The following MAPKAPK2 variants were observed in gnomAD, a reference collection of about 807,000 sequenced individuals.
The protein encoded by MAPKAPK2 is MAP kinase-activated protein kinase 2.
Under a neutral mutation model 48.8 loss-of-function variants are expected in MAPKAPK2, and 9 were observed. The observed-to-expected ratio is 0.18, with a 90% confidence interval of 0.11 to 0.32. The LOEUF (loss-of-function observed/expected upper bound fraction) is 0.32, where lower values mean the gene tolerates loss of function less well. Ranked by LOEUF, MAPKAPK2 falls within the 10% of genes least tolerant of loss-of-function variation. MAPKAPK2 has a pLI of 1.00. For missense variants in MAPKAPK2, 331 were observed against 498.3 expected, an observed-to-expected ratio of 0.66 and a Z score of 3.20; for synonymous variants, 202 against 190.6, an observed-to-expected ratio of 1.06 and a Z score of -0.49.
chr1:206,724,926 A>C (rs969501680), intron 1 of MAPKAPK2, among the ~76,000 whole-genome samples: 1 of 152,236 alleles, frequency 6.6e-6, no homozygotes, highest in Non-Finnish European at 1.5e-5. Context: ...TACCCTATAT[A>C]GAGTTTCTGA....
At chr1:206,719,065 G>C (rs1202606702) in intron 1 of MAPKAPK2, among the ~76,000 whole-genome samples, 1 of 152,004 alleles carries the variant, frequency 6.6e-6, no homozygotes, top group Non-Finnish European at 1.5e-5. Flanking sequence ...CTTCCATTCA[G>C]CCATCTGTGT....
intron 1 of MAPKAPK2, among the ~76,000 whole-genome samples, chr1:206,687,989 C>T (rs1672338070): frequency 6.6e-6 from 1 of 152,176 alleles, no homozygotes; most frequent in African/African-American, 2.4e-5. Flanking sequence ...CTCCTCTCTG[C>T]CTATAGTCGG....
chr1:206,731,297 C>G lies in MAPKAPK2; in HGVS notation c.892+35C>G. On this transcript the variant is annotated intron_variant, in intron 7 of 9. Coordinates refer to ENST00000367103, the MANE Select transcript of MAPKAPK2 (RefSeq NM_032960.4). The surrounding 1 kb of genome is among the most constrained non-coding windows in gnomAD (Gnocchi z 5.9). ...CAGGCTTTCAGGACAAGGGGAAGAG[C>G]CCGTGTGTGTGTGTGTGTGTGTATG... 6.2e-7 allele frequency: 1 copy of G among 1,605,296 alleles called. No individual in the cohort carries two copies. Among genetic ancestry groups the G allele is most frequent in the Non-Finnish European group, 8.5e-7 (1 of 1,177,378 alleles).
intron 1 of MAPKAPK2, among the ~76,000 whole-genome samples, chr1:206,715,629 C>CTTTTTTT (rs11349381): frequency 7.6e-6 from 1 of 131,572 alleles, no homozygotes; most frequent in African/African-American, 2.9e-5. Flanking sequence ...TTCTTTCTTT[C>CTTTTTTT]TTTTTTTTTT....
chr1:206,729,196 A>T (rs1041078185), intron 3 of MAPKAPK2, 97 bp downstream of exon 3: 105 of 1,338,934 alleles, frequency 7.8e-5, no homozygotes, highest in Middle Eastern at 4.2e-4. Context: ...AAGGGTGCTG[A>T]GGCTGCTGCC....
Position 206,732,566 on chromosome 1 carries a change from T to C in MAPKAPK2, c.1060-9T>C. On this transcript the variant is annotated splice_polypyrimidine_tract_variant and intron_variant, in intron 9 of 9. Transcript: ENST00000367103. The surrounding 1 kb of genome is among the most constrained non-coding windows in gnomAD (Gnocchi z 4.4). Reference sequence around the variant, plus strand: ...CTCTGTACCCTTCCTGGTGCTGCCGTGCCCCCAGGAGGAGATGACCAGTGC... The same window carrying C: ...CTCTGTACCCTTCCTGGTGCTGCCGCGCCCCCAGGAGGAGATGACCAGTGC... 1 of 1,613,582 alleles carries C rather than the reference T, an allele frequency of 6.2e-7. No homozygotes were observed. Among genetic ancestry groups the C allele is most frequent in the East Asian group, 2.2e-5 (1 of 44,882 alleles).
chr1:206,692,911 A>G (rs880002662), intron 1 of MAPKAPK2, among the ~76,000 whole-genome samples: 1 of 152,084 alleles, frequency 6.6e-6, no homozygotes, highest in African/African-American at 2.4e-5. Context: ...CATATGAGGG[A>G]GCTGAGGGAG....
At chr1:206,718,499 C>T (rs1489311740) in intron 1 of MAPKAPK2, among the ~76,000 whole-genome samples, 1 of 145,416 alleles carries the variant, frequency 6.9e-6, no homozygotes, top group African/African-American at 2.6e-5. Context: ...GCCACTGCAG[C>T]TCCAGCCTGG....
intron 1 of MAPKAPK2, among the ~76,000 whole-genome samples, chr1:206,688,518 A>AG (rs1277811052): frequency 5.9e-5 from 9 of 152,224 alleles, no homozygotes; most frequent in Non-Finnish European, 1.0e-4. Context: ...CCAAAGTTGG[A>AG]GGGGAACTTC....
At chr1:206,718,659 CTCTT>C (rs1311215584) in intron 1 of MAPKAPK2, among the ~76,000 whole-genome samples, 2 of 152,094 alleles carry the variant, frequency 1.3e-5, no homozygotes, top group African/African-American at 4.8e-5. Context: ...GGGGAGCTGC[CTCTT>C]TCTTCTACGA....
chr1:206,708,635 C>T (rs950063962), intron 1 of MAPKAPK2, among the ~76,000 whole-genome samples: 1 of 152,138 alleles, frequency 6.6e-6, no homozygotes, highest in Admixed American at 6.5e-5. Context: ...TTTATATTAA[C>T]AGTGAAAAAT....
chr1:206,732,943 G>C lies in MAPKAPK2; in HGVS notation c.*225G>C. 1 of 512,654 alleles carries C rather than the reference G, an allele frequency of 2.0e-6. No individual in the cohort carries two copies. Among genetic ancestry groups the C allele is most frequent in the South Asian group, 3.4e-5 (1 of 29,216 alleles). The allele number at this position is 512,654 out of a possible 1,614,324, so 31.8% of individuals were successfully genotyped here. Reference sequence around the variant, plus strand: ...GGAGAGAAGTGAGCAAGGTGCTCTTGAACCTGTGCTCATTTTGCAATTTTA... The same window carrying C: ...GGAGAGAAGTGAGCAAGGTGCTCTTCAACCTGTGCTCATTTTGCAATTTTA... On this transcript the variant is annotated 3_prime_UTR_variant, in exon 10 of 10. Coordinates refer to ENST00000367103, the MANE Select transcript of MAPKAPK2 (RefSeq NM_032960.4). The surrounding 1 kb of genome is among the most constrained non-coding windows in gnomAD (Gnocchi z 4.4).
chr1:206,710,413 A>G (rs369800778), intron 1 of MAPKAPK2, among the ~76,000 whole-genome samples: 2 of 152,240 alleles, frequency 1.3e-5, no homozygotes, highest in African/African-American at 4.8e-5. Context: ...AACTCGTGAC[A>G]TTTTACAAAA....
At chr1:206,726,456 C>T (rs1673704803) in intron 1 of MAPKAPK2, among the ~76,000 whole-genome samples, 1 of 152,256 alleles carries the variant, frequency 6.6e-6, no homozygotes, top group Non-Finnish European at 1.5e-5. Context: ...CTCATATGGC[C>T]ACAAGGTGGC....
chr1:206,710,736 G>A (rs1673116746), intron 1 of MAPKAPK2, among the ~76,000 whole-genome samples: 1 of 152,204 alleles, frequency 6.6e-6, no homozygotes, highest in South Asian at 2.1e-4. Flanking sequence ...AAGTGCAAAG[G>A]ATAAAACGTT....
intron 1 of MAPKAPK2, among the ~76,000 whole-genome samples, chr1:206,688,848 A>G (rs1672366699): frequency 6.6e-6 from 1 of 151,932 alleles, no homozygotes; most frequent in South Asian, 2.1e-4. Context: ...GTTATTCAGG[A>G]TGGTCTTGAT....
At chr1:206,718,167 T>C (rs1169142472) in intron 1 of MAPKAPK2, among the ~76,000 whole-genome samples, 5 of 152,218 alleles carry the variant, frequency 3.3e-5, no homozygotes, top group Non-Finnish European at 7.3e-5. Context: ...CTTTTAGGTG[T>C]GTTTGCTTCT....
intron 1 of MAPKAPK2, among the ~76,000 whole-genome samples, chr1:206,723,742 AG>A (rs1673615985): frequency 6.6e-6 from 1 of 152,212 alleles, no homozygotes; most frequent in Non-Finnish European, 1.5e-5. Context: ...TACCTTGAAT[AG>A]GGGGAGGGGT....
At chr1:206,702,086 A>C (rs1672815602) in intron 1 of MAPKAPK2, among the ~76,000 whole-genome samples, 1 of 152,208 alleles carries the variant, frequency 6.6e-6, no homozygotes, top group South Asian at 2.1e-4. Flanking sequence ...GGCAACCACC[A>C]ACCTATCATA....
Sources: gnomAD v4.1 joint callset for allele counts (sites outside exome capture counted in the v4.1 genomes callset) on GRCh38, gnomAD v4.1.1 for gene constraint, Gnocchi (gnomAD v3.1) non-coding constraint, MANE v1.5 for transcripts, NCBI Gene and HGNC (gene_info 2026-07-23, HGNC 2026-07-21) for gene names.